LMNTD1: variants seen among roughly 807,000 people sequenced by gnomAD.
LMNTD1 encodes lamin tail domain-containing protein 1.
Under a neutral mutation model 50.9 loss-of-function variants are expected in LMNTD1, and 35 were observed. The observed-to-expected ratio is 0.69, with a 90% CI of 0.53 to 0.91. The LOEUF is 0.91. Among genes scored for constraint, LMNTD1 ranks in the 40% least tolerant of loss-of-function variants. The pLI is 0.00. For missense variants in LMNTD1, 470 were observed against 475.5 expected (o/e 0.99, Z 0.11); for synonymous variants, 153 against 161.9 (o/e 0.94, Z 0.42).
At chr12:25,534,305 T>A (rs1255692746) in intron 4 of LMNTD1, among the ~76,000 whole-genome samples, 2 of 152,226 alleles carry the variant, frequency 1.3e-5, no homozygotes, top group African/African-American at 4.8e-5. Context: ...GCCTTCCATC[T>A]GAAACAACTA....
intron 1 of LMNTD1, among the ~76,000 whole-genome samples, chr12:25,574,077 C>T (rs1394092749): frequency 1.3e-5 from 2 of 152,128 alleles, no homozygotes; most frequent in African/African-American, 2.4e-5. Flanking sequence ...AACTCAATGC[C>T]CCATATTCTC....
chr12:25,559,806 A>G (rs904822357), intron 1 of LMNTD1, among the ~76,000 whole-genome samples: 10 of 152,180 alleles, frequency 6.6e-5, no homozygotes, highest in Admixed American at 1.3e-4. Context: ...GTGATGATGA[A>G]CATTTTTTCA....
intron 1 of LMNTD1, among the ~76,000 whole-genome samples, chr12:25,630,357 G>C (rs1946688850): frequency 6.6e-6 from 1 of 152,178 alleles, no homozygotes; most frequent in East Asian, 1.9e-4. Context: ...AGACAGAGCA[G>C]CATGTGGAGG....
intron 1 of LMNTD1, among the ~76,000 whole-genome samples, chr12:25,622,922 T>C (rs1051928701): frequency 1.3e-5 from 2 of 151,492 alleles, no homozygotes; most frequent in South Asian, 2.1e-4. Flanking sequence ...ACCATCTTAA[T>C]GAACCTAAAC....
intron 1 of LMNTD1, among the ~76,000 whole-genome samples, chr12:25,599,888 G>A (rs940615861): frequency 2.6e-5 from 4 of 151,932 alleles, no homozygotes; most frequent in African/African-American, 9.7e-5. Context: ...GCCATTTACT[G>A]ATTCAGTGTA....
intron 9 of LMNTD1, among the ~76,000 whole-genome samples, chr12:25,487,142 T>C (rs939036799): frequency 1.1e-4 from 16 of 147,392 alleles, no homozygotes; most frequent in Non-Finnish European, 3.0e-5. Context: ...TGTAGATGTC[T>C]ATTAGGTCCA....
At chr12:25,610,034 C>T (rs1480682571) in intron 1 of LMNTD1, among the ~76,000 whole-genome samples, 1 of 152,206 alleles carries the variant, frequency 6.6e-6, no homozygotes, top group African/African-American at 2.4e-5. Context: ...TGTTTACCTA[C>T]TCAAGCCTCA....
intron 1 of LMNTD1, among the ~76,000 whole-genome samples, chr12:25,636,860 A>G (rs912055978): frequency 6.6e-6 from 1 of 152,186 alleles, no homozygotes; most frequent in Admixed American, 6.5e-5. Context: ...ATAATTGGAG[A>G]TTATTATTCT....
chr12:25,497,766 C>G (rs1939143728), intron 9 of LMNTD1: 1 of 151,688 alleles, frequency 6.6e-6, no homozygotes, highest in Non-Finnish European at 1.5e-5. Flanking sequence ...CCACTGCACT[C>G]CAGCCTGGGC....
At chr12:25,600,321 C>T (rs1945936848) in intron 1 of LMNTD1, among the ~76,000 whole-genome samples, 1 of 151,742 alleles carries the variant, frequency 6.6e-6, no homozygotes, top group Non-Finnish European at 1.5e-5. Context: ...GGACTTAAAT[C>T]TATAATCTCA....
chr12:25,523,633 C>T (rs1221695792), intron 6 of LMNTD1, among the ~76,000 whole-genome samples: 1 of 151,988 alleles, frequency 6.6e-6, no homozygotes, highest in African/African-American at 2.4e-5. Flanking sequence ...TAGTAATATC[C>T]AGTGCTATGA....
intron 2 of LMNTD1, 33 bp from the exon 3 acceptor site, chr12:25,549,579 A>C: frequency 3.3e-6 from 4 of 1,223,786 alleles, no homozygotes; most frequent in Non-Finnish European, 4.5e-6. Flanking sequence ...AAATAAATAA[A>C]TAAGAAAGTA....
intron 1 of LMNTD1, among the ~76,000 whole-genome samples, chr12:25,587,279 A>C (rs1228080428): frequency 1.3e-5 from 2 of 152,222 alleles, no homozygotes; most frequent in Non-Finnish European, 2.9e-5. Flanking sequence ...GCTATAAAGA[A>C]ATACTGGAGG....
At chr12:25,477,971 G>A (rs1176872285) in intron 9 of LMNTD1, among the ~76,000 whole-genome samples, 5 of 152,110 alleles carry the variant, frequency 3.3e-5, no homozygotes, top group Non-Finnish European at 5.9e-5. Context: ...GAAGCATCCA[G>A]CGCAGGATAA....
chr12:25,493,837 G>C (rs1938971237), intron 9 of LMNTD1, among the ~76,000 whole-genome samples: 1 of 152,076 alleles, frequency 6.6e-6, no homozygotes, highest in South Asian at 2.1e-4. Flanking sequence ...ATGTCTGAGG[G>C]ATGCTGTTGG....
intron 8 of LMNTD1, among the ~76,000 whole-genome samples, chr12:25,511,913 G>GC (rs373910607): frequency 3.3e-5 from 5 of 151,952 alleles, no homozygotes; most frequent in South Asian, 2.1e-4. Context: ...AGAATGCTTT[G>GC]CCCCCCCTCT....
At chr12:25,545,488 C>T (rs1346088757) in intron 4 of LMNTD1, among the ~76,000 whole-genome samples, 1 of 151,582 alleles carries the variant, frequency 6.6e-6, no homozygotes, top group Non-Finnish European at 1.5e-5. Context: ...AATCTTGGCA[C>T]TGTATATTTG....
intron 3 of LMNTD1, chr12:25,547,275 T>C (rs1436033060): frequency 1.5e-5 from 8 of 531,480 alleles, no homozygotes; most frequent in Non-Finnish European, 1.9e-5. Context: ...GTCTTGCATT[T>C]AGACAGACTT....
At chr12:25,570,722 G>A (rs1018593709) in intron 1 of LMNTD1, among the ~76,000 whole-genome samples, 5 of 152,162 alleles carry the variant, frequency 3.3e-5, no homozygotes, top group African/African-American at 1.2e-4. Flanking sequence ...CCATGTGTTT[G>A]TTCCTAGTGG....
Sources: gnomAD v4.1 joint callset for allele counts (sites outside exome capture counted in the v4.1 genomes callset) on GRCh38, gnomAD v4.1.1 for gene constraint, MANE v1.5 for transcripts, NCBI Gene and HGNC (gene_info 2026-07-23, HGNC 2026-07-21) for gene names.